The following IGDCC4 variants were observed in gnomAD, a reference collection of about 807,000 sequenced individuals.
IGDCC4 encodes likely ortholog of mouse neighbor of Punc E11.
A neutral mutation model predicts 116.6 loss-of-function variants in IGDCC4; 72 were observed. That is an observed-to-expected ratio of 0.62 (90% CI 0.51 to 0.75). The LOEUF (loss-of-function observed/expected upper bound fraction) is 0.75, where lower values mean the gene tolerates loss of function less well. Among genes scored for constraint, IGDCC4 ranks in the 30% least tolerant of loss-of-function variants. The pLI is 0.00. For missense variants in IGDCC4, 1,501 were observed against 1,662.4 expected (o/e 0.90, Z 1.69); for synonymous variants, 709 against 719.9 (o/e 0.98, Z 0.24).
Position 65,388,959 on chromosome 15 carries a change from G to A in IGDCC4, c.2556C>T (p.Ser852=), listed in dbSNP as rs138880652. Residue 852 remains serine, a synonymous_variant, in exon 15 of 20, where the codon TCC becomes TCT. Coordinates refer to ENST00000352385, the MANE Select transcript of IGDCC4 (RefSeq NM_020962.3). Reference sequence around the variant, plus strand: ...GTGTCAGGGGGCTCAGTCGCAGGTCGGATGGGGGTGTGGAGGGCCCTGGGG... The same window carrying A: ...GTGTCAGGGGGCTCAGTCGCAGGTCAGATGGGGGTGTGGAGGGCCCTGGGG... ...TLPDRPSTPP[S]DLRLSPLTPS... is the part of the protein sequence containing the mutation. 4.3e-4 allele frequency: 695 copies of A among 1,604,542 alleles called. No individual in the cohort carries two copies. The African/African-American group carries it at 8.2e-3, about 19-fold the overall frequency.
chr15:65,388,897 T>C lies in IGDCC4; in HGVS notation c.2618A>G (p.Glu873Gly), dbSNP rs2091486734. Residue 873 changes from glutamate (E) to glycine (G), a missense_variant, in exon 15 of 20, where the codon GAG becomes GGG. Glu to Gly is a moderately conservative substitution (Grantham distance 98). Coordinates refer to ENST00000352385, the MANE Select transcript of IGDCC4 (RefSeq NM_020962.3). ...TVRLHWCPPT[E>G]PNGEIVEYLI... ...ATACTCCACGATCTCCCCGTTGGGC[T>C]CTGTGGGGGGGCACCAGTGCAGCCG... The C allele has an allele frequency of 6.2e-7, 1 of 1,613,756 alleles. No homozygotes were observed. The highest frequency in any genetic ancestry group is 8.5e-7 in the Non-Finnish European group (1 of 1,179,952).
In IGDCC4 at chr15:65,411,004, C is replaced by G. The variant is rs753716126; in HGVS notation, c.421+16G>C. 1.3e-6 allele frequency: 2 copies of G among 1,587,926 alleles called. No homozygotes were observed. The highest frequency in any genetic ancestry group is 1.7e-6 in the Non-Finnish European group (2 of 1,163,932). On this transcript the variant is annotated intron_variant, in intron 2 of 19. Coordinates refer to ENST00000352385, the MANE Select transcript of IGDCC4 (RefSeq NM_020962.3). The stretch of plus-strand genomic sequence containing the variant: ...TGGGTTTCAGCCTCAGACCCCCGCC[C>G]GATGCAAGCACTTACTGGCAAGCTT...
At chr15:65,396,261 G>A (rs753625400) in intron 6 of IGDCC4, 98 bp from the exon 7 acceptor site, 4 of 1,073,266 alleles carry the variant, frequency 3.7e-6, no homozygotes, top group African/African-American at 6.0e-5. Flanking sequence ...GCCCTCCCTC[G>A]CTCCCCTTCC....
Position 65,396,825 on chromosome 15 carries a change from C to T in IGDCC4, c.997+9G>A, listed in dbSNP as rs774844201. The T allele has an allele frequency of 2.8e-5, 43 of 1,560,182 alleles. No individual in the cohort carries two copies. The highest frequency in any genetic ancestry group is 3.6e-5 in the Non-Finnish European group (41 of 1,152,076). On this transcript the variant is annotated intron_variant, in intron 6 of 19. Coordinates refer to ENST00000352385, the MANE Select transcript of IGDCC4 (RefSeq NM_020962.3). ...TAACCCGCTCCCTCCGCCCTTCGGC[C>T]CGCCTCACCCAGCACACGGAGCTCA... is the stretch of plus-strand genomic sequence containing the variant.
intron 3 of IGDCC4, among the ~76,000 whole-genome samples, chr15:65,406,983 T>C (rs2063046485): frequency 6.6e-6 from 1 of 152,144 alleles, no homozygotes. Flanking sequence ...ACCATTAATT[T>C]TTTAAAAAAT....
chr15:65,419,556 A>C (rs1818670591), intron 1 of IGDCC4, among the ~76,000 whole-genome samples: 1 of 152,226 alleles, frequency 6.6e-6, no homozygotes, highest in Admixed American at 6.5e-5. Flanking sequence ...TTATTAAAAG[A>C]AACTCCAACT....
chr15:65,399,326 C>A (rs528191728), intron 5 of IGDCC4, among the ~76,000 whole-genome samples: 5 of 151,370 alleles, frequency 3.3e-5, no homozygotes. Flanking sequence ...ACAGGCATAG[C>A]GGCACATGCC....
Position 65,393,547 on chromosome 15 carries a change from AG to A in IGDCC4, c.1715-17del. 2 of 1,576,838 alleles carry A rather than the reference AG, an allele frequency of 1.3e-6. No homozygotes were observed. On this transcript the variant is annotated splice_polypyrimidine_tract_variant and intron_variant, in intron 9 of 19. Transcript: ENST00000352385. The surrounding 1 kb of genome is among the most constrained non-coding windows in gnomAD (Gnocchi z 4.6). ...AAAATCTGATCTGCAGGGACAGAAAAGGTGGGCTGCTGGGTAGCCACCTGAG... is the reference window on the plus strand; with the variant it reads ...AAAATCTGATCTGCAGGGACAGAAAAGTGGGCTGCTGGGTAGCCACCTGAG...
chr15:65,414,096 G>A (rs1440159621), intron 1 of IGDCC4, among the ~76,000 whole-genome samples: 3 of 152,208 alleles, frequency 2.0e-5, no homozygotes, highest in African/African-American at 7.2e-5. Flanking sequence ...GGACACACAG[G>A]TCAACATTTA....
chr15:65,394,639 CA>C, intron 8 of IGDCC4, 91 bp from the exon 9 acceptor site: 2 of 1,327,880 alleles, frequency 1.5e-6, no homozygotes, highest in Non-Finnish European at 1.0e-6. Context: ...GGTCACACAG[CA>C]AGTCAGAAGT....
intron 1 of IGDCC4, among the ~76,000 whole-genome samples, chr15:65,419,354 T>C (rs1054831135): frequency 1.3e-5 from 2 of 151,840 alleles, no homozygotes; most frequent in Admixed American, 6.6e-5. Flanking sequence ...GGTATGAGCC[T>C]GGCCTGAAAT....
chr15:65,390,165 AG>A lies in IGDCC4; in HGVS notation c.2397del (p.Tyr800IlefsTer14). 6.3e-7 allele frequency: 1 copy of A among 1,588,206 alleles called. No homozygotes were observed. The highest frequency in any genetic ancestry group is 8.6e-7 in the Non-Finnish European group (1 of 1,159,720). On this transcript the variant is annotated frameshift_variant, in exon 13 of 20. Coordinates refer to ENST00000352385, the MANE Select transcript of IGDCC4 (RefSeq NM_020962.3). LOFTEE classifies it high-confidence loss of function. ...PWGLRNASLVTYYTSSGEDIL... is the reference protein window; with the variant it reads ...PWGLRNASLVXYYTSSGEDIL... ...GGCATTAGTCCCCACCTGGTGTAAT[AG>A]GTGACCAGGGAGGCATTCCTGAGCC...
chr15:65,416,277 G>A (rs1427655608), intron 1 of IGDCC4, among the ~76,000 whole-genome samples: 1 of 150,474 alleles, frequency 6.6e-6, no homozygotes, highest in African/African-American at 2.5e-5. Flanking sequence ...AGCTGGGACT[G>A]CAGGCGCCCG....
chr15:65,400,984 A>G lies in IGDCC4; in HGVS notation c.701-38T>C. The G allele has an allele frequency of 1.9e-6, 3 of 1,613,318 alleles. No individual in the cohort carries two copies. The South Asian group carries it at 3.3e-5, about 18-fold the overall frequency. On this transcript the variant is annotated intron_variant, in intron 4 of 19. Coordinates refer to ENST00000352385, the MANE Select transcript of IGDCC4 (RefSeq NM_020962.3). ...CAGACCAGCAGGCAGCCTTACCATT[A>G]GGCATTTGCCATGCGATACCTCACC...
At chr15:65,404,671 G>GTGAATGAATGAATGAA (rs58462797) in intron 3 of IGDCC4, among the ~76,000 whole-genome samples, 2 of 151,108 alleles carry the variant, frequency 1.3e-5, no homozygotes, top group African/African-American at 2.4e-5. Flanking sequence ...ATGTGATTGA[G>GTGAATGAATGAATGAA]TGAATGAATG....
intron 1 of IGDCC4, among the ~76,000 whole-genome samples, chr15:65,414,287 T>A (rs2063123851): frequency 6.6e-6 from 1 of 152,188 alleles, no homozygotes; most frequent in Non-Finnish European, 1.5e-5. Flanking sequence ...CATCAGATGG[T>A]TTCTGCTGGA....
chr15:65,385,523 G>C, intron 18 of IGDCC4: 1 of 549,076 alleles, frequency 1.8e-6, no homozygotes, highest in Non-Finnish European at 3.3e-6. Context: ...CCCACACGGG[G>C]ATGTCTGGGT....
chr15:65,403,661 G>A (rs2063012493), intron 3 of IGDCC4, among the ~76,000 whole-genome samples: 1 of 152,142 alleles, frequency 6.6e-6, no homozygotes, highest in African/African-American at 2.4e-5. Context: ...TGTCATATTT[G>A]TCCTACCTGC....
intron 3 of IGDCC4, among the ~76,000 whole-genome samples, chr15:65,407,784 G>A (rs8027233): frequency 0.013 from 1,869 of 146,306 alleles, 41 homozygotes; most frequent in African/African-American, 0.046. Context: ...GCGTCACCAC[G>A]CCTGGATAAT....
Sources: allele counts gnomAD v4.1 joint callset (sites outside exome capture counted in the v4.1 genomes callset), GRCh38; gene constraint gnomAD v4.1.1; non-coding constraint Gnocchi (gnomAD v3.1); transcripts MANE v1.5; gene names NCBI Gene and HGNC (gene_info 2026-07-23, HGNC 2026-07-21).